GRIN2B: variants seen among roughly 807,000 people sequenced by gnomAD.
GRIN2B encodes glutamate ionotropic receptor NMDA type subunit 2B.
In GRIN2B, 5 loss-of-function variants were observed where a neutral mutation model predicts 114.5. That is an observed-to-expected ratio of 0.04 (90% CI 0.02 to 0.09). The LOEUF (loss-of-function observed/expected upper bound fraction) is 0.09. GRIN2B is among the 10% of genes least tolerant of loss of function. The probability of loss-of-function intolerance (pLI) is 1.00; values close to 1 mark genes in which losing one functional copy is unlikely to be tolerated. For synonymous variants in GRIN2B, 787 were observed against 745.1 expected, an observed-to-expected ratio of 1.06 and a Z score of -0.92; for missense variants, 1,108 against 1,943.5, an observed-to-expected ratio of 0.57 and a Z score of 8.08.
chr12:13,897,825 T>C lies in GRIN2B; in HGVS notation c.-18-31599A>G, dbSNP rs76927210. On this transcript the variant is annotated intron_variant, in intron 2 of 13. Coordinates refer to ENST00000609686, the MANE Select transcript of GRIN2B (RefSeq NM_000834.5). Reference sequence around the variant, plus strand: ...TAGATATATAATGAAAGCATGTTTTTATTGGGAAAGTCATAATAATTGAAT... The same window carrying C: ...TAGATATATAATGAAAGCATGTTTTCATTGGGAAAGTCATAATAATTGAAT... Among the ~76,000 whole-genome samples the C allele has an allele frequency of 6.9e-3, 1,050 of 152,148 alleles. 16 individuals carry two copies. The highest frequency in any genetic ancestry group is 0.024 in the African/African-American group (989 of 41,540).
At chr12:13,655,213 G>A (rs934710672) in intron 5 of GRIN2B, among the ~76,000 whole-genome samples, 2 of 151,836 alleles carry the variant, frequency 1.3e-5, no homozygotes, top group African/African-American at 4.8e-5. Context: ...TTCAAAAGCC[G>A]TAAAATTCTT....
intron 3 of GRIN2B, among the ~76,000 whole-genome samples, chr12:13,773,432 T>C (rs933645107): frequency 6.6e-6 from 1 of 152,350 alleles, no homozygotes; most frequent in East Asian, 1.9e-4. Flanking sequence ...CCTAACACTG[T>C]TGTAAAAGCA....
intron 2 of GRIN2B, among the ~76,000 whole-genome samples, chr12:13,920,514 T>C (rs529274196): frequency 6.6e-6 from 1 of 152,332 alleles, no homozygotes; most frequent in South Asian, 2.1e-4. Flanking sequence ...CTCACATCTC[T>C]AAGCTCTCTT....
At position 13,561,305 on chromosome 12, in the gene GRIN2B, G is replaced by A. The variant is rs1315732441; in HGVS notation, c.*1478C>T. On this transcript the variant is annotated 3_prime_UTR_variant, in exon 14 of 14. Coordinates refer to ENST00000609686, the MANE Select transcript of GRIN2B (RefSeq NM_000834.5). Reference sequence around the variant, plus strand: ...ACTCTGGGCTCAAGTCACATTCCCAGGGAGCCAGGCCCAAAGAGGTGGTGG... The same window carrying A: ...ACTCTGGGCTCAAGTCACATTCCCAAGGAGCCAGGCCCAAAGAGGTGGTGG... 1.3e-5 allele frequency: 2 copies of A among 152,130 alleles called. No homozygotes were observed. The highest frequency in any genetic ancestry group is 4.8e-5 in the African/African-American group (2 of 41,430). 9.4% of individuals were successfully genotyped at this position (152,130 alleles called of 1,614,324 possible). A position where few individuals can be genotyped will look rare whatever the true frequency, so the allele number is the denominator to read the frequency against.
intron 4 of GRIN2B, among the ~76,000 whole-genome samples, chr12:13,719,570 C>T (rs1313081493): frequency 1.3e-5 from 2 of 152,020 alleles, no homozygotes; most frequent in African/African-American, 4.8e-5. Flanking sequence ...AATAGGAGAC[C>T]ATCACAGTAC....
At chr12:13,786,228 C>T (rs1864219002) in intron 3 of GRIN2B, among the ~76,000 whole-genome samples, 2 of 152,004 alleles carry the variant, frequency 1.3e-5, no homozygotes, top group Admixed American at 1.3e-4. Context: ...GCAAAGGGTC[C>T]CAAGGCTAGA....
Position 13,659,768 on chromosome 12 carries a change from GTTC to G in GRIN2B, c.1125+15974_1125+15976del, listed in dbSNP as rs1347240229. 2.6e-5 allele frequency among the ~76,000 whole-genome samples: 4 copies of G among 152,060 alleles called. No individual in the cohort carries two copies. In the East Asian group the frequency reaches 7.7e-4, roughly 29 times the overall value. On this transcript the variant is annotated intron_variant, in intron 5 of 13. Coordinates refer to ENST00000609686, the MANE Select transcript of GRIN2B (RefSeq NM_000834.5). ...ATTTAAAGCCTATCAATAAAATCAT[GTTC>G]TTCTCAAAACCCTTCCTGATTCCCT...
intron 3 of GRIN2B, among the ~76,000 whole-genome samples, chr12:13,858,731 C>T (rs892464389): frequency 6.6e-6 from 1 of 152,062 alleles, no homozygotes; most frequent in South Asian, 2.1e-4. Flanking sequence ...CTATTTTATT[C>T]CGTTATGTTT....
At chr12:13,732,853 T>A (rs1290163525) in intron 4 of GRIN2B, among the ~76,000 whole-genome samples, 6 of 152,202 alleles carry the variant, frequency 3.9e-5, no homozygotes, top group Admixed American at 2.0e-4. Context: ...AAGCTTAATT[T>A]CACAATTAGC....
chr12:13,748,978 C>A (rs1208294749), intron 4 of GRIN2B, among the ~76,000 whole-genome samples: 1 of 152,172 alleles, frequency 6.6e-6, no homozygotes, highest in African/African-American at 2.4e-5. Context: ...TTTCTTGCAA[C>A]CCTGGCAAAA....
rs1948430991 is a variant in GRIN2B, at chr12:13,552,888, ACTTT to A, written c.*9891_*9894del. On this transcript the variant is annotated 3_prime_UTR_variant, in exon 14 of 14. Transcript: ENST00000609686. ...CCACTCCTGTCTCAATGAAGAGTGGACTTTCTTCACTTTTTTTTTAAAAAAAGAG... is the reference window on the plus strand; with the variant it reads ...CCACTCCTGTCTCAATGAAGAGTGGACTTCACTTTTTTTTTAAAAAAAGAG... 1 of 152,056 alleles carries A rather than the reference ACTTT, an allele frequency of 6.6e-6. No individual in the cohort carries two copies. Among genetic ancestry groups the A allele is most frequent in the African/African-American group, 2.4e-5 (1 of 41,374 alleles). 9.4% of individuals were successfully genotyped at this position (152,056 alleles called of 1,614,324 possible).
At chr12:13,768,594 G>A (rs1218227326) in intron 3 of GRIN2B, among the ~76,000 whole-genome samples, 6 of 152,190 alleles carry the variant, frequency 3.9e-5, no homozygotes, top group Non-Finnish European at 7.3e-5. Flanking sequence ...GGAGCCAGCT[G>A]GGGAGTGGTC....
At chr12:13,723,740 G>T (rs1859845072) in intron 4 of GRIN2B, among the ~76,000 whole-genome samples, 1 of 152,106 alleles carries the variant, frequency 6.6e-6, no homozygotes, top group South Asian at 2.1e-4. Flanking sequence ...AACGTATTGG[G>T]TTATGTGGTG....
intron 4 of GRIN2B, among the ~76,000 whole-genome samples, chr12:13,681,028 G>C (rs905203100): frequency 2.6e-5 from 4 of 151,936 alleles, no homozygotes; most frequent in African/African-American, 9.7e-5. Context: ...CTCTGACTCT[G>C]GCCATGCCAC....
intron 2 of GRIN2B, among the ~76,000 whole-genome samples, chr12:13,956,975 C>T (rs1867603607): frequency 6.6e-6 from 1 of 152,112 alleles, no homozygotes; most frequent in Non-Finnish European, 1.5e-5. Context: ...GCGAGAATTC[C>T]AATGCTGTAT....
chr12:13,774,081 T>C (rs1281129757), intron 3 of GRIN2B, among the ~76,000 whole-genome samples: 1 of 152,190 alleles, frequency 6.6e-6, no homozygotes, highest in African/African-American at 2.4e-5. Flanking sequence ...CTCCTAGTGC[T>C]CTTGAAAAAT....
At chr12:13,784,603 T>C (rs2136658729) in intron 3 of GRIN2B, among the ~76,000 whole-genome samples, 1 of 152,320 alleles carries the variant, frequency 6.6e-6, no homozygotes, top group South Asian at 2.1e-4. Context: ...AGACTCATCT[T>C]GGCCAATATG....
At chr12:13,773,333 A>G (rs952283342) in intron 3 of GRIN2B, among the ~76,000 whole-genome samples, 5 of 152,218 alleles carry the variant, frequency 3.3e-5, no homozygotes, top group Non-Finnish European at 7.3e-5. Context: ...GTTTATGTAC[A>G]AAAATGCAGA....
At chr12:13,614,775 C>A (rs1018089224) in intron 8 of GRIN2B, among the ~76,000 whole-genome samples, 1 of 152,220 alleles carries the variant, frequency 6.6e-6, no homozygotes, top group African/African-American at 2.4e-5. Flanking sequence ...GAAATGACTT[C>A]TCCTATGGAT....
Sources: allele counts gnomAD v4.1 joint callset (sites outside exome capture counted in the v4.1 genomes callset), GRCh38; gene constraint gnomAD v4.1.1; transcripts MANE v1.5; gene names NCBI Gene and HGNC (gene_info 2026-07-23, HGNC 2026-07-21).